The following SLC67A1 variants were observed in gnomAD, a reference collection of about 807,000 sequenced individuals.
The protein encoded by SLC67A1 is solute carrier family 67 member A1.
the SLC67A1 span, among the ~76,000 whole-genome samples, chr11:2,906,896 A>AG: frequency 8.8e-6 from 1 of 113,812 alleles, no homozygotes; most frequent in African/African-American, 3.1e-5. Flanking sequence ...AGAAAAAAAA[A>AG]AAGAGAAGCT....
chr11:2,923,080 G>A, the SLC67A1 span, among the ~76,000 whole-genome samples: 3 of 152,190 alleles, frequency 2.0e-5, no homozygotes, highest in Non-Finnish European at 4.4e-5. This position sits in a 1 kb window ranked among gnomAD's most constrained non-coding sequence, Gnocchi z 6.5. Flanking sequence ...TCTTTCTTGA[G>A]GCCGAAGAGA....
the SLC67A1 span, chr11:2,903,242 C>G: frequency 2.6e-6 from 4 of 1,533,172 alleles, no homozygotes; most frequent in Non-Finnish European, 3.5e-6. Flanking sequence ...TGCCTGGGAC[C>G]CAGTGACTCA....
chr11:2,903,408 C>A, the SLC67A1 span: 1 of 1,613,130 alleles, frequency 6.2e-7, no homozygotes, highest in African/African-American at 1.3e-5. Flanking sequence ...GCGCTCTAGG[C>A]CGGTCCTCGG....
the SLC67A1 span, among the ~76,000 whole-genome samples, chr11:2,923,745 G>A: frequency 1.3e-5 from 2 of 152,230 alleles, no homozygotes; most frequent in African/African-American, 4.8e-5. The surrounding 1 kb of genome is among the most constrained non-coding windows in gnomAD (Gnocchi z 6.5). Context: ...GCTGGGAAGA[G>A]GCCCCTGGAG....
At chr11:2,905,388 CA>C in the SLC67A1 span, among the ~76,000 whole-genome samples, 7 of 152,258 alleles carry the variant, frequency 4.6e-5, no homozygotes, top group South Asian at 1.2e-3. Context: ...CTGGAGGCAG[CA>C]GTGTGGGGTC....
chr11:2,917,974 C>T, the SLC67A1 span: 3 of 1,604,414 alleles, frequency 1.9e-6, no homozygotes, highest in Non-Finnish European at 2.6e-6. Context: ...GCCTGAATGG[C>T]CTCTCCGTGC....
chr11:2,909,725 C>T, the SLC67A1 span: 1 of 1,484,162 alleles, frequency 6.7e-7, no homozygotes, highest in East Asian at 2.6e-5. Flanking sequence ...GTGGTGGGGG[C>T]CGGGGCGGAG....
chr11:2,905,638 C>G, the SLC67A1 span, among the ~76,000 whole-genome samples: 1 of 152,128 alleles, frequency 6.6e-6, no homozygotes, highest in Non-Finnish European at 1.5e-5. Context: ...GATAAAAATA[C>G]GTGTGCATGT....
the SLC67A1 span, among the ~76,000 whole-genome samples, chr11:2,901,845 A>C: frequency 2.9e-4 from 44 of 152,174 alleles, no homozygotes; most frequent in East Asian, 7.9e-3. Context: ...CACCCTCTAC[A>C]ACCTCCCCTG....
chr11:2,914,957 G>A, the SLC67A1 span: 1 of 985,316 alleles, frequency 1.0e-6, no homozygotes, highest in Non-Finnish European at 1.2e-6. Flanking sequence ...CCCTTCCCTG[G>A]CATTTTCCCA....
the SLC67A1 span, chr11:2,917,915 A>T: frequency 1.6e-6 from 2 of 1,220,628 alleles, no homozygotes; most frequent in Non-Finnish European, 2.3e-6. Flanking sequence ...CCGAATGGCG[A>T]GGCCTGCAGC....
chr11:2,911,254 G>GGTCCAGGAGGCTATGCATA, the SLC67A1 span, among the ~76,000 whole-genome samples: 2 of 152,172 alleles, frequency 1.3e-5, no homozygotes, highest in Admixed American at 6.5e-5. Flanking sequence ...GGCAGAGGTG[G>GGTCCAGGAGGCTATGCATA]GTCCAGGAGG....
chr11:2,924,948 A>G, the SLC67A1 span: 28 of 1,479,232 alleles, frequency 1.9e-5, 1 homozygote, highest in South Asian at 3.4e-4. The surrounding 1 kb of genome is among the most constrained non-coding windows in gnomAD (Gnocchi z 8.6). Flanking sequence ...GGCTGTGTTC[A>G]GGAAGTGGGC....
At chr11:2,916,433 CCT>C in the SLC67A1 span, 12 of 542,540 alleles carry the variant, frequency 2.2e-5, no homozygotes, top group Admixed American at 1.0e-4. Context: ...CCCACCCATT[CCT>C]TCATCCATCA....
the SLC67A1 span, chr11:2,914,812 GC>G: frequency 1.0e-6 from 1 of 985,432 alleles, no homozygotes; most frequent in South Asian, 4.7e-5. Context: ...TGACACGCAG[GC>G]CTCTGAGGCC....
the SLC67A1 span, among the ~76,000 whole-genome samples, chr11:2,911,053 G>C: frequency 6.6e-6 from 1 of 152,168 alleles, no homozygotes; most frequent in African/African-American, 2.4e-5. Flanking sequence ...TGGGGGTCAG[G>C]GACCCGTGCC....
the SLC67A1 span, chr11:2,917,969 A>C: frequency 6.3e-7 from 1 of 1,598,558 alleles, no homozygotes; most frequent in Non-Finnish European, 8.6e-7. Context: ...TGCAGGCCTG[A>C]ATGGCCTCTC....
the SLC67A1 span, among the ~76,000 whole-genome samples, chr11:2,913,534 G>A: frequency 1.2e-4 from 18 of 152,196 alleles, no homozygotes; most frequent in Admixed American, 1.0e-3. Context: ...TCTGGGGCAC[G>A]CTGGAAGCCA....
At chr11:2,901,195 G>A in the SLC67A1 span, among the ~76,000 whole-genome samples, 1 of 152,188 alleles carries the variant, frequency 6.6e-6, no homozygotes, top group African/African-American at 2.4e-5. Flanking sequence ...TCATTTTGGG[G>A]TATTGTTTTC....
Sources: allele counts gnomAD v4.1 joint callset (sites outside exome capture counted in the v4.1 genomes callset), GRCh38; gene constraint gnomAD v4.1.1; non-coding constraint Gnocchi (gnomAD v3.1); transcripts MANE v1.5; gene names NCBI Gene and HGNC (gene_info 2026-07-23, HGNC 2026-07-21).